Variants in MEIS1 observed in about 807,000 individuals in gnomAD.
MEIS1 encodes Meis homeobox 1.
MEIS1 carries 5 observed loss-of-function variants against 50.8 expected under a neutral mutation model. The ratio of observed to expected loss-of-function variants is 0.10; its 90% CI spans 0.05 to 0.21. The LOEUF (loss-of-function observed/expected upper bound fraction) is 0.21. Among genes scored for constraint, MEIS1 ranks in the 10% least tolerant of loss-of-function variants. The pLI is 1.00. For synonymous variants in MEIS1, 176 were observed against 179.3 expected (o/e 0.98, Z 0.15); for missense variants, 318 against 517.3 (o/e 0.61, Z 3.74).
At chr2:66,441,509 A>G in intron 5 of MEIS1, 45 bp downstream of exon 5, 1 of 1,447,406 alleles carries the variant, frequency 6.9e-7, no homozygotes, top group Non-Finnish European at 9.3e-7. Flanking sequence ...CCTTACCCCC[A>G]AACACACAGG....
intron 8 of MEIS1, among the ~76,000 whole-genome samples, chr2:66,542,228 CAG>C (rs1490799320): frequency 2.0e-5 from 3 of 151,934 alleles, no homozygotes; most frequent in Non-Finnish European, 4.4e-5. Flanking sequence ...GACAAAAACT[CAG>C]TAGAAGTTTT....
At chr2:66,505,377 G>A (rs1416772124) in intron 7 of MEIS1, among the ~76,000 whole-genome samples, 1 of 152,102 alleles carries the variant, frequency 6.6e-6, no homozygotes, top group African/African-American at 2.4e-5. Context: ...CTACAGTACA[G>A]TATGGGTAAC....
intron 8 of MEIS1, among the ~76,000 whole-genome samples, chr2:66,541,249 G>A (rs1443591163): frequency 6.6e-6 from 1 of 151,962 alleles, no homozygotes; most frequent in Non-Finnish European, 1.5e-5. Flanking sequence ...ATGTTAGCCA[G>A]GATGGTCTCG....
intron 6 of MEIS1, among the ~76,000 whole-genome samples, chr2:66,456,235 T>TACACACACACACACACACACACACAC (rs3220293): frequency 2.0e-4 from 30 of 147,616 alleles, no homozygotes; most frequent in Admixed American, 6.1e-4. Context: ...ATGATTTTTA[T>TACACACACACACACACACACACACAC]ACACACACAC....
At chr2:66,557,403 T>C (rs1012907341) in intron 9 of MEIS1, among the ~76,000 whole-genome samples, 1 of 152,212 alleles carries the variant, frequency 6.6e-6, no homozygotes, top group East Asian at 1.9e-4. Flanking sequence ...AAAAGAAGCC[T>C]TGTACCCTTT....
intron 7 of MEIS1, among the ~76,000 whole-genome samples, chr2:66,467,631 T>A (rs1672670272): frequency 6.6e-6 from 1 of 152,068 alleles, no homozygotes; most frequent in Non-Finnish European, 1.5e-5. Context: ...TCGTGGGCAT[T>A]CTAAAGAGAA....
chr2:66,540,679 TTAA>T (rs1432146136), intron 8 of MEIS1, among the ~76,000 whole-genome samples: 2 of 152,238 alleles, frequency 1.3e-5, no homozygotes, highest in Non-Finnish European at 2.9e-5. Flanking sequence ...AGAGGATTCA[TTAA>T]TAGCTGTTCA....
intron 1 of MEIS1, chr2:66,436,977 G>T (rs1439538141): frequency 2.0e-6 from 2 of 977,856 alleles, no homozygotes; most frequent in African/African-American, 3.5e-5. Context: ...CTTCTAGTCT[G>T]GAAACAAAGT....
chr2:66,438,290 C>G (rs1671851783), intron 2 of MEIS1, among the ~76,000 whole-genome samples: 1 of 152,138 alleles, frequency 6.6e-6, no homozygotes, highest in Non-Finnish European at 1.5e-5. Flanking sequence ...CGATTTCGCC[C>G]GAGAGCGTTA....
intron 9 of MEIS1, among the ~76,000 whole-genome samples, chr2:66,551,072 C>G (rs1674907801): frequency 7.0e-6 from 1 of 143,464 alleles, no homozygotes; most frequent in African/African-American, 2.6e-5. Context: ...GTAGATCAGT[C>G]ATAATTATTA....
At chr2:66,466,196 T>C (rs6755563) in intron 7 of MEIS1, among the ~76,000 whole-genome samples, 45,967 of 151,926 alleles carry the variant, frequency 0.3, 9,863 homozygotes, top group African/African-American at 0.61. Context: ...CCCAGTGGAG[T>C]GTCAGACCTA....
chr2:66,443,844 C>A (rs1401444), intron 6 of MEIS1: 86,020 of 152,258 alleles, frequency 0.56, 25,133 homozygotes, highest in South Asian at 0.73. Context: ...CCTTTGCTCT[C>A]AACTGAGGGC....
chr2:66,458,687 C>T (rs771824197), intron 6 of MEIS1, among the ~76,000 whole-genome samples: 6 of 152,262 alleles, frequency 3.9e-5, no homozygotes, highest in Non-Finnish European at 8.8e-5. Context: ...ATCAAGTTTC[C>T]AACAGGACTA....
chr2:66,553,685 C>CT (rs980995768), intron 9 of MEIS1, among the ~76,000 whole-genome samples: 416 of 151,650 alleles, frequency 2.7e-3, no homozygotes, highest in Admixed American at 5.7e-3. Context: ...AGAGACACTG[C>CT]TTTTTTTTTC....
intron 8 of MEIS1, among the ~76,000 whole-genome samples, chr2:66,514,940 C>G (rs1245579380): frequency 6.6e-6 from 1 of 152,108 alleles, no homozygotes; most frequent in African/African-American, 2.4e-5. Flanking sequence ...CCTATAGAAT[C>G]TAAAGAGAGT....
intron 7 of MEIS1, among the ~76,000 whole-genome samples, chr2:66,478,574 C>A (rs1464515432): frequency 6.6e-6 from 1 of 152,180 alleles, no homozygotes; most frequent in Non-Finnish European, 1.5e-5. Flanking sequence ...TTGGAAAGAA[C>A]TATGTGGTCT....
chr2:66,456,039 G>T (rs1314259210), intron 6 of MEIS1, among the ~76,000 whole-genome samples: 1 of 151,968 alleles, frequency 6.6e-6, no homozygotes, highest in Non-Finnish European at 1.5e-5. Context: ...TTCACCAAAG[G>T]CAAGAAAGCA....
At chr2:66,536,031 A>G (rs1445871690) in intron 8 of MEIS1, among the ~76,000 whole-genome samples, 1 of 152,194 alleles carries the variant, frequency 6.6e-6, no homozygotes, top group Non-Finnish European at 1.5e-5. Context: ...GTGCTCTGCT[A>G]TTTGGCATAT....
At chr2:66,494,304 A>G (rs1055106582) in intron 7 of MEIS1, among the ~76,000 whole-genome samples, 12 of 152,222 alleles carry the variant, frequency 7.9e-5, no homozygotes, top group African/African-American at 2.9e-4. Flanking sequence ...AATTCTGTCT[A>G]TTCCGCATAT....
Sources: gnomAD v4.1 joint callset for allele counts (sites outside exome capture counted in the v4.1 genomes callset) on GRCh38, gnomAD v4.1.1 for gene constraint, MANE v1.5 for transcripts, NCBI Gene and HGNC (gene_info 2026-07-23, HGNC 2026-07-21) for gene names.